The following PDE7B variants were observed in gnomAD, a reference collection of about 807,000 sequenced individuals.
The protein encoded by PDE7B is 3',5'-cyclic-AMP phosphodiesterase 7B.
PDE7B carries 29 observed loss-of-function variants against 56.2 expected under a neutral mutation model. That is an observed-to-expected ratio of 0.52 (90% CI 0.38 to 0.70). The LOEUF (loss-of-function observed/expected upper bound fraction) is 0.70, where lower values mean the gene tolerates loss of function less well. PDE7B is among the 30% of genes least tolerant of loss of function. The pLI is 0.00. For synonymous variants in PDE7B, 197 were observed against 196.9 expected (o/e 1.00, Z 0.00); for missense variants, 490 against 565.0 (o/e 0.87, Z 1.35).
chr6:135,948,495 C>T (rs1774628969), intron 2 of PDE7B, among the ~76,000 whole-genome samples: 1 of 151,898 alleles, frequency 6.6e-6, no homozygotes, highest in Non-Finnish European at 1.5e-5. Context: ...TAAATAGAGG[C>T]AGGCAAAGAT....
At chr6:135,861,210 T>G (rs1448276494) in intron 1 of PDE7B, among the ~76,000 whole-genome samples, 2 of 151,898 alleles carry the variant, frequency 1.3e-5, no homozygotes, top group Non-Finnish European at 2.9e-5. Context: ...TTGGTGCACA[T>G]GTACAGGTAT....
At chr6:136,012,038 A>G (rs1775903107) in intron 2 of PDE7B, among the ~76,000 whole-genome samples, 1 of 152,156 alleles carries the variant, frequency 6.6e-6, no homozygotes, top group Admixed American at 6.5e-5. Context: ...CAAGTGAAAT[A>G]TACAAAAAGG....
At chr6:135,916,383 C>CTTTCTTT (rs1773941549) in intron 1 of PDE7B, among the ~76,000 whole-genome samples, 2 of 91,938 alleles carry the variant, frequency 2.2e-5, no homozygotes, top group African/African-American at 8.3e-5. Context: ...CTTTTCTTTT[C>CTTTCTTT]TTTTCTTTCT....
At chr6:135,915,028 G>C (rs1267113633) in intron 1 of PDE7B, among the ~76,000 whole-genome samples, 1 of 151,744 alleles carries the variant, frequency 6.6e-6, no homozygotes, top group Non-Finnish European at 1.5e-5. Flanking sequence ...AGGAGGTGGA[G>C]GTTGCAGTGA....
chr6:136,134,630 CT>C (rs202136470), intron 3 of PDE7B, among the ~76,000 whole-genome samples: 2,549 of 150,926 alleles, frequency 0.017, 80 homozygotes, highest in African/African-American at 0.057. Context: ...CTTTTAAAGC[CT>C]TTTTTCCCCT....
chr6:136,121,142 G>T (rs1391161457), intron 3 of PDE7B, among the ~76,000 whole-genome samples: 1 of 152,076 alleles, frequency 6.6e-6, no homozygotes, highest in Non-Finnish European at 1.5e-5. Context: ...ATCCACTACT[G>T]GTCACTCATC....
At chr6:136,124,327 C>G (rs1318655839) in intron 3 of PDE7B, among the ~76,000 whole-genome samples, 3 of 151,732 alleles carry the variant, frequency 2.0e-5, no homozygotes, top group Non-Finnish European at 4.4e-5. Flanking sequence ...AAAATGACAG[C>G]AATAAAAATT....
intron 12 of PDE7B, among the ~76,000 whole-genome samples, chr6:136,189,649 A>G (rs1779191031): frequency 6.6e-6 from 1 of 152,196 alleles, no homozygotes; most frequent in Non-Finnish European, 1.5e-5. Context: ...TAGAAGGCTA[A>G]AGAGAAAGAG....
chr6:135,924,294 A>G (rs1774143600), intron 1 of PDE7B, among the ~76,000 whole-genome samples: 1 of 152,236 alleles, frequency 6.6e-6, no homozygotes, highest in Non-Finnish European at 1.5e-5. Flanking sequence ...GTAGAGAAAT[A>G]GATATAGTCT....
At chr6:136,026,055 T>G (rs1776144749) in intron 2 of PDE7B, among the ~76,000 whole-genome samples, 1 of 152,218 alleles carries the variant, frequency 6.6e-6, no homozygotes, top group Non-Finnish European at 1.5e-5. Flanking sequence ...TCTCTGGTTC[T>G]TCAGACCCAA....
chr6:135,994,166 T>TGTGTG (rs1233338145), intron 2 of PDE7B, among the ~76,000 whole-genome samples: 1 of 133,688 alleles, frequency 7.5e-6, no homozygotes, highest in African/African-American at 3.1e-5. Context: ...GTGTGTGTGT[T>TGTGTG]TTATGTATAT....
intron 2 of PDE7B, among the ~76,000 whole-genome samples, chr6:136,100,420 C>G (rs1195608362): frequency 6.6e-6 from 1 of 152,162 alleles, no homozygotes; most frequent in Non-Finnish European, 1.5e-5. Context: ...GAATGTTTTT[C>G]CATTTATTTG....
In PDE7B at chr6:136,024,457, C is replaced by T. The variant is rs1421958079; in HGVS notation, c.82+76933C>T. 7.9e-5 allele frequency among the ~76,000 whole-genome samples: 12 copies of T among 151,982 alleles called. 1 individual carries two copies. In the East Asian group the frequency reaches 1.2e-3, roughly 15 times the overall value. On this transcript the variant is annotated intron_variant, in intron 2 of 12. Transcript: ENST00000308191. Reference sequence around the variant, plus strand: ...TGACCACTTCCCACCAAACATATATCCTTTATTTTTCCTTTCTTTTTACCT... The same window carrying T: ...TGACCACTTCCCACCAAACATATATTCTTTATTTTTCCTTTCTTTTTACCT...
chr6:135,866,733 G>A lies in PDE7B; in HGVS notation c.21+14714G>A, dbSNP rs140284362. ...TATCTAAATTGTTTCACAGTTTACA[G>A]TTCTGTACAAGCTAATGTCTCAGAA... On this transcript the variant is annotated intron_variant, in intron 1 of 12. Transcript: ENST00000308191. Among the ~76,000 whole-genome samples the A allele has an allele frequency of 3.1e-3, 478 of 152,264 alleles. 2 individuals are homozygous for A. Among genetic ancestry groups the A allele is most frequent in the South Asian group, 0.018 (86 of 4,822 alleles).
chr6:136,092,373 T>G (rs1777402656), intron 2 of PDE7B, among the ~76,000 whole-genome samples: 1 of 152,174 alleles, frequency 6.6e-6, no homozygotes, highest in Non-Finnish European at 1.5e-5. Context: ...CTAGTGGAAT[T>G]ATGAAGAGTG....
chr6:135,915,263 G>C (rs764056309), intron 1 of PDE7B, among the ~76,000 whole-genome samples: 3 of 152,162 alleles, frequency 2.0e-5, no homozygotes, highest in African/African-American at 7.2e-5. Flanking sequence ...GTAGGTCTTC[G>C]TGTGGATGTA....
chr6:135,947,375 G>T, intron 1 of PDE7B, 89 bp from the exon 2 acceptor site: 1 of 1,002,676 alleles, frequency 1.0e-6, no homozygotes, highest in Non-Finnish European at 1.6e-6. Flanking sequence ...GTAGAATAAT[G>T]TTATGGTAAT....
At chr6:135,956,478 C>A (rs1480641176) in intron 2 of PDE7B, among the ~76,000 whole-genome samples, 1 of 152,034 alleles carries the variant, frequency 6.6e-6, no homozygotes, top group Admixed American at 6.6e-5. Flanking sequence ...ACTCCTCTGT[C>A]AAGAAATTGG....
intron 1 of PDE7B, among the ~76,000 whole-genome samples, chr6:135,869,896 G>C (rs112494066): frequency 6.6e-6 from 1 of 152,228 alleles, no homozygotes; most frequent in African/African-American, 2.4e-5. Flanking sequence ...GAGGTGATGG[G>C]ATGGAAGGAG....
Sources: gnomAD v4.1 joint callset for allele counts (sites outside exome capture counted in the v4.1 genomes callset) on GRCh38, gnomAD v4.1.1 for gene constraint, MANE v1.5 for transcripts, NCBI Gene and HGNC (gene_info 2026-07-23, HGNC 2026-07-21) for gene names.